KHDRBS3: variants seen among roughly 807,000 people sequenced by gnomAD.
The protein encoded by KHDRBS3 is KH domain-containing, RNA-binding, signal transduction-associated protein 3.
In KHDRBS3, 23 loss-of-function variants were observed where a neutral mutation model predicts 45.6. That is an observed-to-expected ratio of 0.50 (90% CI 0.36 to 0.72). The LOEUF (loss-of-function observed/expected upper bound fraction) is 0.72, where lower values mean the gene tolerates loss of function less well. KHDRBS3 is among the 30% of genes least tolerant of loss of function. The probability of loss-of-function intolerance (pLI) is 0.00; values close to 1 mark genes in which losing one functional copy is unlikely to be tolerated. For synonymous variants in KHDRBS3, 162 were observed against 156.5 expected (o/e 1.04, Z -0.26); for missense variants, 352 against 424.8 (o/e 0.83, Z 1.51).
Position 135,647,187 on chromosome 8 carries a change from G to T in KHDRBS3, c.*103G>T. 1 of 408,722 alleles carries T rather than the reference G, an allele frequency of 2.4e-6. No individual in the cohort carries two copies. Among genetic ancestry groups the T allele is most frequent in the Non-Finnish European group, 4.5e-6 (1 of 224,372 alleles). 25.3% of individuals were successfully genotyped at this position (408,722 alleles called of 1,614,324 possible). ...AATCCCTTTTTAAATAAATCAGAAT[G>T]CTTAAAATCTGAATGGATGGAACTT... On this transcript the variant is annotated 3_prime_UTR_variant, in exon 9 of 9. Transcript: ENST00000355849.
intron 1 of KHDRBS3, among the ~76,000 whole-genome samples, chr8:135,472,316 T>C (rs1205889821): frequency 6.6e-6 from 1 of 152,072 alleles, no homozygotes; most frequent in Non-Finnish European, 1.5e-5. Flanking sequence ...ACTCCAGGTT[T>C]TCACTTTGTA....
At chr8:135,571,826 G>A (rs956279627) in intron 5 of KHDRBS3, among the ~76,000 whole-genome samples, 12 of 151,988 alleles carry the variant, frequency 7.9e-5, no homozygotes, top group African/African-American at 2.2e-4. Flanking sequence ...GGGGAGCTTG[G>A]GGTTACTTCT....
At chr8:135,613,597 C>G (rs1054155610) in intron 7 of KHDRBS3, among the ~76,000 whole-genome samples, 18 of 151,624 alleles carry the variant, frequency 1.2e-4, no homozygotes, top group African/African-American at 4.1e-4. Context: ...TAAATTCCTT[C>G]TGCTTGTTGT....
rs566175592 is a variant in KHDRBS3 at position 135,485,844 on chromosome 8, A to T, written c.88+27890A>T. On this transcript the variant is annotated intron_variant, in intron 1 of 8. Coordinates refer to ENST00000355849, the MANE Select transcript of KHDRBS3 (RefSeq NM_006558.3). ...CAGGATTGATTGGCATTTCAAGTTT[A>T]TATATATATATATATATATATATAT... Among the ~76,000 whole-genome samples, 447 of 91,290 alleles carry T rather than the reference A, an allele frequency of 4.9e-3. 7 individuals carry two copies. Among genetic ancestry groups the T allele is most frequent in the South Asian group, 0.012 (35 of 2,932 alleles). 59.9% of individuals were successfully genotyped at this position (91,290 alleles called of 152,430 possible).
intron 1 of KHDRBS3, among the ~76,000 whole-genome samples, chr8:135,510,726 C>T (rs531432039): frequency 1.3e-5 from 2 of 152,328 alleles, no homozygotes; most frequent in African/African-American, 4.8e-5. Flanking sequence ...AGCCACTGCA[C>T]CCGGCCAGTT....
chr8:135,484,889 C>A (rs1822768344), intron 1 of KHDRBS3, among the ~76,000 whole-genome samples: 1 of 152,096 alleles, frequency 6.6e-6, no homozygotes, highest in Non-Finnish European at 1.5e-5. Context: ...GAGGTAGTAA[C>A]ATTTATTAAA....
chr8:135,517,823 T>A (rs1007534583), intron 1 of KHDRBS3, among the ~76,000 whole-genome samples: 3 of 152,032 alleles, frequency 2.0e-5, no homozygotes, highest in South Asian at 2.1e-4. Flanking sequence ...TTAAAAAATT[T>A]AAAAAAAATC....
At chr8:135,655,801 A>T (rs1831521118) in intron 4 of KHDRBS3, among the ~76,000 whole-genome samples, 1 of 152,228 alleles carries the variant, frequency 6.6e-6, no homozygotes, top group African/African-American at 2.4e-5. Flanking sequence ...TTCGTATGAC[A>T]CATCAAAATA....
chr8:135,495,559 G>T (rs1217088481), intron 1 of KHDRBS3, among the ~76,000 whole-genome samples: 1 of 152,180 alleles, frequency 6.6e-6, no homozygotes, highest in Non-Finnish European at 1.5e-5. Flanking sequence ...TCCAGAATTT[G>T]TGCCAGTAAA....
Position 135,542,778 on chromosome 8 carries a change from T to C in KHDRBS3, c.324+8T>C. The C allele has an allele frequency of 2.6e-6, 4 of 1,559,142 alleles. No individual in the cohort carries two copies. Among genetic ancestry groups the C allele is most frequent in the Non-Finnish European group, 2.7e-6 (3 of 1,131,552 alleles). ...ATGAGAGACAAGGCCAAGGTAATATTAATTATAGAAAACGGCTAAGTTGTG... is the reference window on the plus strand; with the variant it reads ...ATGAGAGACAAGGCCAAGGTAATATCAATTATAGAAAACGGCTAAGTTGTG... On this transcript the variant is annotated splice_region_variant and intron_variant, in intron 3 of 8. Transcript: ENST00000355849.
intron 7 of KHDRBS3, among the ~76,000 whole-genome samples, chr8:135,628,985 C>G (rs1830484975): frequency 6.6e-6 from 1 of 152,212 alleles, no homozygotes; most frequent in Non-Finnish European, 1.5e-5. Flanking sequence ...ATGATTAAGA[C>G]AGTTTAGCCT....
At chr8:135,479,862 A>C (rs946968980) in intron 1 of KHDRBS3, among the ~76,000 whole-genome samples, 1 of 152,198 alleles carries the variant, frequency 6.6e-6, no homozygotes, top group African/African-American at 2.4e-5. Context: ...CATCACAAGA[A>C]AACTACACAT....
At chr8:135,594,224 A>G (rs1182520143) in intron 6 of KHDRBS3, among the ~76,000 whole-genome samples, 3 of 152,222 alleles carry the variant, frequency 2.0e-5, no homozygotes, top group Non-Finnish European at 4.4e-5. Flanking sequence ...ATAGAACTAC[A>G]TTGTTGGGTT....
intron 1 of KHDRBS3, among the ~76,000 whole-genome samples, chr8:135,474,958 G>T (rs752468228): frequency 6.6e-6 from 1 of 152,166 alleles, no homozygotes; most frequent in Non-Finnish European, 1.5e-5. Context: ...TACATTCCTC[G>T]GCTTGTGGCC....
rs1397399141 is a variant in KHDRBS3 at position 135,590,796 on chromosome 8, A to G, written c.807+8723A>G. ...AAACTAAAATTGCCTTAGGGATTCTAATCATACTATTCTCTAAATCATTTA... is the reference window on the plus strand; with the variant it reads ...AAACTAAAATTGCCTTAGGGATTCTGATCATACTATTCTCTAAATCATTTA... On this transcript the variant is annotated intron_variant, in intron 6 of 8. Transcript: ENST00000355849. Among the ~76,000 whole-genome samples, 4 of 152,228 alleles carry G rather than the reference A, an allele frequency of 2.6e-5. No individual in the cohort carries two copies. In the East Asian group the frequency reaches 7.7e-4, roughly 29 times the overall value.
chr8:135,489,275 G>A (rs533960208), intron 1 of KHDRBS3, among the ~76,000 whole-genome samples: 13 of 152,214 alleles, frequency 8.5e-5, no homozygotes, highest in South Asian at 8.3e-4. Context: ...ATTTACCACC[G>A]TATCTGTCAT....
At chr8:135,464,124 TAAGATACTTTAAGAAAA>T (rs148135311) in intron 1 of KHDRBS3, among the ~76,000 whole-genome samples, 13,823 of 152,284 alleles carry the variant, frequency 0.091, 825 homozygotes, top group East Asian at 0.19. Context: ...AGTATTTTGT[TAAGATACTTTAAGAAAA>T]GAGGTAAAAG....
At chr8:135,483,050 T>C (rs1175801016) in intron 1 of KHDRBS3, among the ~76,000 whole-genome samples, 1 of 152,182 alleles carries the variant, frequency 6.6e-6, no homozygotes, top group Non-Finnish European at 1.5e-5. Flanking sequence ...CATTATTTGT[T>C]TTTTTTGTTT....
At chr8:135,462,735 C>T (rs1586545162) in intron 1 of KHDRBS3, among the ~76,000 whole-genome samples, 1 of 152,086 alleles carries the variant, frequency 6.6e-6, no homozygotes, top group East Asian at 1.9e-4. Flanking sequence ...GTGACTTGCC[C>T]ATGGTGACAT....
Sources: allele counts gnomAD v4.1 joint callset (sites outside exome capture counted in the v4.1 genomes callset), GRCh38; gene constraint gnomAD v4.1.1; transcripts MANE v1.5; gene names NCBI Gene and HGNC (gene_info 2026-07-23, HGNC 2026-07-21).